The following STPG4 variants were observed in gnomAD, a reference collection of about 807,000 sequenced individuals.
STPG4 encodes the protein sperm-tail PG-rich repeat containing 4.
A neutral mutation model predicts 31.5 loss-of-function variants in STPG4; 41 were observed. That is an observed-to-expected ratio of 1.30 (90% CI 1.01 to 1.69). STPG4 has a LOEUF of 1.69. Ranked by LOEUF, STPG4 falls within the 40% of genes most tolerant of loss-of-function variation. The pLI, the probability that STPG4 is intolerant of heterozygous loss-of-function variation, is 0.00. For missense variants in STPG4, 375 were observed against 293.4 expected (o/e 1.28, Z -2.03); for synonymous variants, 141 against 103.0 (o/e 1.37, Z -2.24).
chr2:47,105,185 T>C (rs1014923732), intron 5 of STPG4, among the ~76,000 whole-genome samples: 1 of 151,956 alleles, frequency 6.6e-6, no homozygotes, highest in Non-Finnish European at 1.5e-5. Context: ...AGAGCCGGGA[T>C]AGCTCTTGGA....
At chr2:47,134,743 T>C (rs1396593185) in intron 3 of STPG4, among the ~76,000 whole-genome samples, 1 of 152,188 alleles carries the variant, frequency 6.6e-6, no homozygotes, top group Non-Finnish European at 1.5e-5. Context: ...TGCTGGATCT[T>C]ATGTAAGAGT....
intron 5 of STPG4, among the ~76,000 whole-genome samples, chr2:47,106,423 A>G (rs1026202938): frequency 2.0e-5 from 3 of 151,966 alleles, no homozygotes; most frequent in African/African-American, 7.3e-5. Flanking sequence ...GGCTGCTGCT[A>G]CAGGAACCGG....
At chr2:47,100,876 C>G (rs1026823056) in intron 5 of STPG4, among the ~76,000 whole-genome samples, 1 of 151,640 alleles carries the variant, frequency 6.6e-6, no homozygotes, top group African/African-American at 2.4e-5. Flanking sequence ...TCAGAAGGAA[C>G]AAACTCCAGA....
intron 5 of STPG4, among the ~76,000 whole-genome samples, chr2:47,116,183 C>G (rs1686149364): frequency 6.6e-6 from 1 of 152,214 alleles, no homozygotes; most frequent in Non-Finnish European, 1.5e-5. Context: ...TTGAATGCGT[C>G]CCCTCCAAAA....
chr2:47,118,594 G>A (rs1051983093), intron 5 of STPG4, among the ~76,000 whole-genome samples: 12 of 152,176 alleles, frequency 7.9e-5, no homozygotes, highest in African/African-American at 2.7e-4. Flanking sequence ...TGCCAAAAAG[G>A]TTGGGGACCG....
rs1282695845 is a variant in STPG4, at chr2:47,155,303, G to A, written c.-52C>T. The A allele has an allele frequency of 1.9e-6, 3 of 1,595,078 alleles. No individual in the cohort carries two copies. The highest frequency in any genetic ancestry group is 2.2e-5 in the East Asian group (1 of 44,626). ...ACCTGAGCTCCGGTTGCTAGGAGGC[G>A]GGTGTGGCCCGTGGGCTCCCGAGCG... is the stretch of plus-strand genomic sequence containing the variant. On this transcript the variant is annotated 5_prime_UTR_variant, in exon 1 of 7. Coordinates refer to ENST00000445927, the MANE Select transcript of STPG4 (RefSeq NM_001163561.2).
chr2:47,131,857 T>C (rs540080662), intron 3 of STPG4, among the ~76,000 whole-genome samples: 3 of 152,252 alleles, frequency 2.0e-5, no homozygotes, highest in East Asian at 3.9e-4. Flanking sequence ...ACAGTTATGA[T>C]ATAAGAATGT....
At chr2:47,114,039 C>G (rs72808573) in intron 5 of STPG4, among the ~76,000 whole-genome samples, 1 of 122,814 alleles carries the variant, frequency 8.1e-6, no homozygotes, top group Admixed American at 8.5e-5. Flanking sequence ...AAAAAAAAAA[C>G]AAAAACAAAA....
chr2:47,095,919 G>A (rs1246090516), intron 5 of STPG4, among the ~76,000 whole-genome samples: 1 of 152,122 alleles, frequency 6.6e-6, no homozygotes, highest in Non-Finnish European at 1.5e-5. Context: ...CTGCCCACTG[G>A]GCCCCTGTTC....
rs112488831 is a variant in STPG4 at position 47,106,432 on chromosome 2, G to A, written c.520-16058C>T. On this transcript the variant is annotated intron_variant, in intron 5 of 6. Transcript: ENST00000445927. ...AGGAATGGCTGCTGCTACAGGAACC[G>A]GAATAGCTGGTTTATCAACTTCATT... Among the ~76,000 whole-genome samples the A allele has an allele frequency of 5.0e-3, 756 of 151,940 alleles. 11 individuals are homozygous for A. Among genetic ancestry groups the A allele is most frequent in the Middle Eastern group, 0.017 (5 of 292 alleles).
intron 5 of STPG4, among the ~76,000 whole-genome samples, chr2:47,104,352 C>T (rs1685859469): frequency 6.6e-6 from 1 of 151,970 alleles, no homozygotes; most frequent in Non-Finnish European, 1.5e-5. Flanking sequence ...CCTGCAACAC[C>T]CCAATTCTGG....
chr2:47,150,993 G>C (rs551972709), intron 3 of STPG4, among the ~76,000 whole-genome samples: 1 of 152,130 alleles, frequency 6.6e-6, no homozygotes, highest in Non-Finnish European at 1.5e-5. Flanking sequence ...GTGCTCTCCA[G>C]GCTAGGGGAA....
rs745351587 is a variant in STPG4 at position 47,090,318 on chromosome 2, G to A, written c.576C>T (p.Val192=). The A allele has an allele frequency of 2.6e-6, 4 of 1,551,888 alleles. No homozygotes were observed. The highest frequency in any genetic ancestry group is 3.9e-5 in the Admixed American group (2 of 50,990). ...YNVKMPPTSS[V]TSCFQSRVPR... ...GGACTCTGGATTGAAAACAAGAAGTGACAGAGCTTGTTGGAGGCATTTTCA... is the reference window on the plus strand; with the variant it reads ...GGACTCTGGATTGAAAACAAGAAGTAACAGAGCTTGTTGGAGGCATTTTCA... The change falls in exon 6 of 7, where the codon GTC becomes GTT. Residue 192 remains valine (V), a synonymous_variant. Transcript: ENST00000445927.
At chr2:47,111,184 T>A (rs80265965) in intron 5 of STPG4, among the ~76,000 whole-genome samples, 6,264 of 152,192 alleles carry the variant, frequency 0.041, 467 homozygotes, top group African/African-American at 0.14. Context: ...AAGCACTGAG[T>A]CTGTATAGTC....
At chr2:47,112,828 T>C (rs187612716) in intron 5 of STPG4, among the ~76,000 whole-genome samples, 269 of 152,054 alleles carry the variant, frequency 1.8e-3, no homozygotes, top group African/African-American at 5.5e-3. Flanking sequence ...CATAGTGAGA[T>C]CCTGTCTCTA....
intron 3 of STPG4, among the ~76,000 whole-genome samples, chr2:47,146,949 C>A (rs1369673581): frequency 6.6e-6 from 1 of 151,846 alleles, no homozygotes; most frequent in Non-Finnish European, 1.5e-5. Context: ...CCAGCCTGGG[C>A]AACATAATGA....
intron 5 of STPG4, among the ~76,000 whole-genome samples, chr2:47,104,062 G>C (rs555384176): frequency 1.6e-4 from 24 of 152,052 alleles, no homozygotes; most frequent in Non-Finnish European, 2.6e-4. Context: ...ATTAGGGAGA[G>C]ATATATTAGC....
chr2:47,109,269 G>A (rs187006797), intron 5 of STPG4, among the ~76,000 whole-genome samples: 3,949 of 152,232 alleles, frequency 0.026, 181 homozygotes, highest in African/African-American at 0.09. Flanking sequence ...TGAAAATTCA[G>A]GCACAGGCCA....
At chr2:47,107,523 A>G (rs528977034) in intron 5 of STPG4, among the ~76,000 whole-genome samples, 1 of 152,172 alleles carries the variant, frequency 6.6e-6, no homozygotes, top group Non-Finnish European at 1.5e-5. Context: ...CCCAAGGGGC[A>G]GGGCTCAGGA....
Sources: allele counts gnomAD v4.1 joint callset (sites outside exome capture counted in the v4.1 genomes callset), GRCh38; gene constraint gnomAD v4.1.1; transcripts MANE v1.5; gene names NCBI Gene and HGNC (gene_info 2026-07-23, HGNC 2026-07-21).